Variants in CDC27 observed in about 807,000 individuals in gnomAD.
CDC27 encodes cell division cycle protein 27 homolog.
A neutral mutation model predicts 109.7 loss-of-function variants in CDC27; 27 were observed. The observed-to-expected ratio is 0.25, with a 90% CI of 0.18 to 0.34. CDC27 has a LOEUF of 0.34. Ranked by LOEUF, CDC27 falls within the 10% of genes least tolerant of loss-of-function variation. The pLI is 1.00. For missense variants in CDC27, 579 were observed against 960.2 expected, an observed-to-expected ratio of 0.60 and a Z score of 5.25; for synonymous variants, 266 against 333.9, an observed-to-expected ratio of 0.80 and a Z score of 2.22.
At chr17:47,147,160 G>T (rs1381227332) in intron 9 of CDC27, among the ~76,000 whole-genome samples, 1 of 152,096 alleles carries the variant, frequency 6.6e-6, no homozygotes, top group African/African-American at 2.4e-5. Context: ...CAGCACTTTG[G>T]GAGGCCGAGA....
rs1157629240 is a variant in CDC27, at chr17:47,120,918, A to G, written c.*17T>C. The G allele has an allele frequency of 1.3e-6, 2 of 1,588,578 alleles. No homozygotes were observed. The highest frequency in any genetic ancestry group is 1.7e-6 in the Non-Finnish European group (2 of 1,158,076). On this transcript the variant is annotated 3_prime_UTR_variant, in exon 19 of 19. Transcript: ENST00000066544. Reference sequence around the variant, plus strand: ...CACTAGTCACACATCCAGTTGTAAAAGTCTGATTTCCAGAAGTTAAAATTC... The same window carrying G: ...CACTAGTCACACATCCAGTTGTAAAGGTCTGATTTCCAGAAGTTAAAATTC...
In CDC27 at chr17:47,120,282, T is replaced by C. The variant is rs1251567023; in HGVS notation, c.*653A>G. ...TGAAGCAAGATGAATAAATTAAAAT[T>C]CTTGGTTAGACATTAAAGCATTCTT... is the stretch of plus-strand genomic sequence containing the variant. On this transcript the variant is annotated 3_prime_UTR_variant, in exon 19 of 19. Transcript: ENST00000066544. 2 of 152,646 alleles carry C rather than the reference T, an allele frequency of 1.3e-5. No homozygotes were observed. Among genetic ancestry groups the C allele is most frequent in the African/African-American group, 4.8e-5 (2 of 41,462 alleles). 9.5% of individuals were successfully genotyped at this position (152,646 alleles called of 1,614,324 possible). A position where few individuals can be genotyped will look rare whatever the true frequency, so the allele number is the denominator to read the frequency against.
chr17:47,133,140 A>G (rs2062444860), intron 14 of CDC27, among the ~76,000 whole-genome samples: 1 of 132,362 alleles, frequency 7.6e-6, no homozygotes, highest in Non-Finnish European at 1.6e-5. Flanking sequence ...TATATATAAT[A>G]TATATGTATT....
chr17:47,147,428 C>CAAACA (rs1555789468), intron 9 of CDC27, among the ~76,000 whole-genome samples: 25 of 134,722 alleles, frequency 1.9e-4, no homozygotes, highest in Non-Finnish European at 2.6e-4. Context: ...AACAAACAAA[C>CAAACA]AAAAAAAAAA....
At chr17:47,184,750 T>C (rs866657491) in intron 1 of CDC27, among the ~76,000 whole-genome samples, 17 of 152,150 alleles carry the variant, frequency 1.1e-4, no homozygotes, top group Admixed American at 3.9e-4. Flanking sequence ...ACTAACAGTG[T>C]CTCTTGTGCC....
intron 12 of CDC27, among the ~76,000 whole-genome samples, chr17:47,140,619 C>T (rs1328487437): frequency 1.3e-5 from 2 of 152,108 alleles, no homozygotes; most frequent in Non-Finnish European, 2.9e-5. Flanking sequence ...ACCACTATAA[C>T]TAGGGGAAAC....
At chr17:47,162,401 T>C (rs1025412361) in intron 4 of CDC27, among the ~76,000 whole-genome samples, 6 of 152,232 alleles carry the variant, frequency 3.9e-5, no homozygotes, top group African/African-American at 1.4e-4. Context: ...ATTTATCTTT[T>C]CAAGCATTCT....
chr17:47,137,517 T>C (rs895662175), intron 13 of CDC27, among the ~76,000 whole-genome samples, 157 bp from the exon 14 acceptor site: 55 of 152,246 alleles, frequency 3.6e-4, no homozygotes, highest in Non-Finnish European at 8.8e-5. Flanking sequence ...ATTCCATATT[T>C]GTGAATTTGT....
intron 9 of CDC27, among the ~76,000 whole-genome samples, chr17:47,145,364 G>T (rs1342740360): frequency 6.6e-6 from 1 of 152,188 alleles, no homozygotes; most frequent in Non-Finnish European, 1.5e-5. Flanking sequence ...GACCTACAAA[G>T]ATCTGCAGAG....
intron 14 of CDC27, among the ~76,000 whole-genome samples, chr17:47,134,384 A>C (rs538395763): frequency 6.6e-6 from 1 of 151,478 alleles, no homozygotes; most frequent in Non-Finnish European, 1.5e-5. Flanking sequence ...AGCTCACTGC[A>C]GGTAACCTTG....
At chr17:47,188,959 G>A in intron 1 of CDC27, 187 bp downstream of exon 1, 1 of 1,446,342 alleles carries the variant, frequency 6.9e-7, no homozygotes, top group Non-Finnish European at 9.1e-7. Context: ...GTAATGTAGG[G>A]CCAGAGGTAA....
intron 5 of CDC27, 78 bp downstream of exon 5, chr17:47,158,128 T>G: frequency 1.9e-6 from 1 of 538,628 alleles, no homozygotes; most frequent in Non-Finnish European, 3.3e-6. Flanking sequence ...TGATCTGTAT[T>G]GCTCTCCAAA....
chr17:47,122,318 T>G, intron 18 of CDC27, 126 bp downstream of exon 18: 1 of 577,410 alleles, frequency 1.7e-6, no homozygotes, highest in Non-Finnish European at 2.9e-6. Context: ...CTGTTCAATT[T>G]CCCTAAAAGT....
intron 15 of CDC27, 140 bp downstream of exon 15, chr17:47,132,117 T>C: frequency 1.9e-6 from 1 of 530,954 alleles, no homozygotes; most frequent in South Asian, 3.1e-5. Flanking sequence ...GCCAAATGGG[T>C]AGTATTTTTG....
At chr17:47,127,990 T>G (rs1360807324) in intron 16 of CDC27, among the ~76,000 whole-genome samples, 1 of 151,866 alleles carries the variant, frequency 6.6e-6, no homozygotes, top group Admixed American at 6.6e-5. Flanking sequence ...ATAGGGATTT[T>G]TATTAGTATT....
intron 4 of CDC27, among the ~76,000 whole-genome samples, chr17:47,164,771 T>G (rs530467707): frequency 6.6e-6 from 1 of 152,218 alleles, no homozygotes; most frequent in African/African-American, 2.4e-5. Context: ...GAGCTGAGAT[T>G]GTGCAACTGT....
At position 47,145,317 on chromosome 17, in the gene CDC27, AG is replaced by A. The variant is rs1568399684; in HGVS notation, c.1071-1336del. ...AAAGCCAAAGCAGCCAGAATTTGCA[AG>A]GCAGAGCACCAGAGAGAAGAGAGCT... On this transcript the variant is annotated intron_variant, in intron 9 of 18. Coordinates refer to ENST00000066544, the MANE Select transcript of CDC27 (RefSeq NM_001256.6). Among the ~76,000 whole-genome samples the A allele has an allele frequency of 7.2e-5, 11 of 152,248 alleles. No homozygotes were observed. The South Asian group carries it at 2.3e-3, about 31-fold the overall frequency.
chr17:47,181,072 C>G (rs1363222348), intron 2 of CDC27, among the ~76,000 whole-genome samples: 3 of 141,490 alleles, frequency 2.1e-5, no homozygotes, highest in African/African-American at 7.9e-5. Flanking sequence ...GGCAACATAG[C>G]AAAACCCTAT....
intron 4 of CDC27, among the ~76,000 whole-genome samples, chr17:47,164,408 T>C (rs185350357): frequency 4.6e-5 from 7 of 152,224 alleles, no homozygotes; most frequent in Non-Finnish European, 1.0e-4. Flanking sequence ...TAGACTTACA[T>C]AGAACTTGCA....
Sources: allele counts gnomAD v4.1 joint callset (sites outside exome capture counted in the v4.1 genomes callset), GRCh38; gene constraint gnomAD v4.1.1; transcripts MANE v1.5; gene names NCBI Gene and HGNC (gene_info 2026-07-23, HGNC 2026-07-21).